The following CCSER1 variants were observed in gnomAD, a reference collection of about 807,000 sequenced individuals.
CCSER1 encodes the protein serine-rich coiled-coil domain-containing protein 1.
In CCSER1, 41 loss-of-function variants were observed where a neutral mutation model predicts 82.0. The ratio of observed to expected loss-of-function variants is 0.50; its 90% CI spans 0.39 to 0.65. CCSER1 has a LOEUF of 0.65. Among genes scored for constraint, CCSER1 ranks in the 30% least tolerant of loss-of-function variants. The probability of loss-of-function intolerance (pLI) is 0.00; values close to 1 mark genes in which losing one functional copy is unlikely to be tolerated. For synonymous variants in CCSER1, 414 were observed against 383.9 expected (o/e 1.08, Z -0.92); for missense variants, 1,119 against 1,064.2 (o/e 1.05, Z -0.72).
At chr4:90,550,117 C>T (rs1207418652) in intron 5 of CCSER1, among the ~76,000 whole-genome samples, 1 of 151,844 alleles carries the variant, frequency 6.6e-6, no homozygotes, top group East Asian at 1.9e-4. Flanking sequence ...GGAAGGGGGT[C>T]CCAGGGGAAG....
chr4:91,142,210 TC>T (rs981614591), intron 10 of CCSER1, among the ~76,000 whole-genome samples: 2 of 152,142 alleles, frequency 1.3e-5, no homozygotes, highest in African/African-American at 4.8e-5. Context: ...TGAATAAGTG[TC>T]ACAAGATCTC....
intron 6 of CCSER1, among the ~76,000 whole-genome samples, chr4:90,650,854 A>T (rs1366666910): frequency 6.6e-6 from 1 of 152,200 alleles, no homozygotes; most frequent in African/African-American, 2.4e-5. Context: ...GCTCTAGTCT[A>T]AAATTGCTTT....
At chr4:91,466,135 C>G (rs749018942) in intron 10 of CCSER1, among the ~76,000 whole-genome samples, 1 of 152,094 alleles carries the variant, frequency 6.6e-6, no homozygotes, top group Non-Finnish European at 1.5e-5. Flanking sequence ...TCAGGGAGCA[C>G]GTCAAAAAGC....
intron 10 of CCSER1, among the ~76,000 whole-genome samples, chr4:91,389,605 A>G (rs1237263849): frequency 2.0e-5 from 3 of 151,910 alleles, no homozygotes; most frequent in African/African-American, 7.2e-5. Context: ...CAGTTTGTAA[A>G]TATCGACAAA....
chr4:91,367,891 G>A (rs1749751862), intron 10 of CCSER1, among the ~76,000 whole-genome samples: 1 of 152,102 alleles, frequency 6.6e-6, no homozygotes. Context: ...TCATTCTCAA[G>A]AAATATCTGG....
At chr4:91,391,702 A>G (rs1751661279) in intron 10 of CCSER1, among the ~76,000 whole-genome samples, 1 of 152,148 alleles carries the variant, frequency 6.6e-6, no homozygotes, top group South Asian at 2.1e-4. Flanking sequence ...TGTGTCTGAA[A>G]GCAGATATTG....
intron 5 of CCSER1, among the ~76,000 whole-genome samples, chr4:90,572,841 C>T (rs1470822058): frequency 1.3e-5 from 2 of 152,126 alleles, no homozygotes; most frequent in Non-Finnish European, 2.9e-5. Context: ...TAGGTTTAGC[C>T]ATTGATACCA....
intron 3 of CCSER1, among the ~76,000 whole-genome samples, chr4:90,368,229 A>G (rs1481007258): frequency 2.6e-5 from 4 of 152,012 alleles, no homozygotes; most frequent in African/African-American, 9.7e-5. Context: ...TTAAACAGGC[A>G]GAAACTCAGG....
chr4:91,484,220 A>G (rs1162607973), intron 10 of CCSER1, among the ~76,000 whole-genome samples: 2 of 152,080 alleles, frequency 1.3e-5, no homozygotes, highest in East Asian at 3.9e-4. Context: ...AAAACACTAA[A>G]TTCAGCTTAT....
At chr4:90,641,181 C>G (rs946195837) in intron 6 of CCSER1, among the ~76,000 whole-genome samples, 1 of 151,396 alleles carries the variant, frequency 6.6e-6, no homozygotes, top group African/African-American at 2.4e-5. Flanking sequence ...ATTCTTATGC[C>G]CACAAAAAAT....
chr4:91,102,683 GA>G (rs1365136283), intron 10 of CCSER1, among the ~76,000 whole-genome samples: 1 of 149,238 alleles, frequency 6.7e-6, no homozygotes, highest in Non-Finnish European at 1.5e-5. Context: ...ATATTTATTT[GA>G]AAGTATATTC....
At chr4:91,588,307 CAT>C (rs906964772) in intron 10 of CCSER1, among the ~76,000 whole-genome samples, 19 of 151,360 alleles carry the variant, frequency 1.3e-4, no homozygotes, top group African/African-American at 4.4e-4. Flanking sequence ...TTCTAACACT[CAT>C]AAACTCATCC....
At chr4:90,734,367 T>C (rs920289949) in intron 7 of CCSER1, among the ~76,000 whole-genome samples, 9 of 152,116 alleles carry the variant, frequency 5.9e-5, no homozygotes, top group South Asian at 2.1e-4. Context: ...CCTCGTGATC[T>C]GCCCGCCTTG....
chr4:91,354,449 C>G (rs4591560), intron 10 of CCSER1, among the ~76,000 whole-genome samples: 1 of 152,126 alleles, frequency 6.6e-6, no homozygotes, highest in East Asian at 1.9e-4. Flanking sequence ...CCTGTGGGGC[C>G]GTCCAGTCCT....
intron 4 of CCSER1, among the ~76,000 whole-genome samples, chr4:90,452,506 A>G (rs544546408): frequency 5.9e-5 from 9 of 152,326 alleles, no homozygotes; most frequent in African/African-American, 2.2e-4. Flanking sequence ...GCAACTGCCA[A>G]GAGGCAGGCT....
chr4:91,517,782 GTGTT>G (rs200508093), intron 10 of CCSER1, among the ~76,000 whole-genome samples: 8,617 of 129,220 alleles, frequency 0.067, 257 homozygotes, highest in Non-Finnish European at 0.08. Flanking sequence ...GTGTGTGTGT[GTGTT>G]TAACTTTGAT....
intron 10 of CCSER1, among the ~76,000 whole-genome samples, chr4:91,457,164 A>C (rs1756226610): frequency 6.6e-6 from 1 of 152,108 alleles, no homozygotes; most frequent in African/African-American, 2.4e-5. Context: ...ACCACATCTA[A>C]ATATCAACTG....
At chr4:90,578,273 G>A (rs546936436) in intron 5 of CCSER1, among the ~76,000 whole-genome samples, 1 of 152,042 alleles carries the variant, frequency 6.6e-6, no homozygotes, top group African/African-American at 2.4e-5. Flanking sequence ...TTTAACATGG[G>A]TTTAAACTGG....
At chr4:90,549,732 G>C (rs1777224293) in intron 5 of CCSER1, among the ~76,000 whole-genome samples, 1 of 146,742 alleles carries the variant, frequency 6.8e-6, no homozygotes, top group Non-Finnish European at 1.5e-5. Flanking sequence ...ATGCCAGTAA[G>C]GGTTGGGGTA....
Sources: allele counts gnomAD v4.1 joint callset (sites outside exome capture counted in the v4.1 genomes callset), GRCh38; gene constraint gnomAD v4.1.1; transcripts MANE v1.5; gene names NCBI Gene and HGNC (gene_info 2026-07-23, HGNC 2026-07-21).